DLGAP2: variants seen among roughly 807,000 people sequenced by gnomAD.
DLGAP2 encodes DLG associated protein 2, also known as disks large-associated protein 2.
A neutral mutation model predicts 100.3 loss-of-function variants in DLGAP2; 26 were observed. The observed-to-expected ratio is 0.26, with a 90% CI of 0.19 to 0.36. The LOEUF is 0.36. DLGAP2 is among the 10% of genes least tolerant of loss of function. The pLI is 1.00. For missense variants in DLGAP2, 1,858 were observed against 1,453.2 expected (o/e 1.28, Z -4.53); for synonymous variants, 886 against 630.1 (o/e 1.41, Z -6.08).
intron 2 of DLGAP2, among the ~76,000 whole-genome samples, chr8:1,233,375 G>A (rs1015957721): frequency 1.3e-5 from 2 of 152,200 alleles, no homozygotes; most frequent in African/African-American, 4.8e-5. Context: ...TTCAATAGCA[G>A]AAGACTCAGC....
chr8:1,005,353 C>A (rs905120710), intron 2 of DLGAP2, among the ~76,000 whole-genome samples: 35 of 151,626 alleles, frequency 2.3e-4, no homozygotes, highest in Non-Finnish European at 3.7e-4. Flanking sequence ...CAAGGCAGCC[C>A]GTCAAATAGT....
intron 2 of DLGAP2, among the ~76,000 whole-genome samples, chr8:1,107,310 C>T (rs960031487): frequency 6.6e-6 from 1 of 152,190 alleles, no homozygotes; most frequent in Non-Finnish European, 1.5e-5. Flanking sequence ...CATCACCACT[C>T]CAGGGCTGGG....
At chr8:1,068,542 C>A (rs907508865) in intron 2 of DLGAP2, among the ~76,000 whole-genome samples, 6 of 152,122 alleles carry the variant, frequency 3.9e-5, no homozygotes, top group African/African-American at 1.4e-4. Context: ...AAGGCTGTCC[C>A]GGTGGCTAGC....
At chr8:1,170,210 G>T (rs1328804208) in intron 2 of DLGAP2, among the ~76,000 whole-genome samples, 3 of 152,192 alleles carry the variant, frequency 2.0e-5, no homozygotes, top group Non-Finnish European at 4.4e-5. Context: ...TATTGAACCA[G>T]CCTTGCATCC....
intron 1 of DLGAP2, among the ~76,000 whole-genome samples, chr8:863,417 C>G (rs1172523994): frequency 6.6e-6 from 1 of 152,176 alleles, no homozygotes; most frequent in Non-Finnish European, 1.5e-5. Context: ...ATAATTTCTC[C>G]ATTCTCATTT....
At position 782,386 on chromosome 8, in the gene DLGAP2, A is replaced by G. The variant is rs576075936; in HGVS notation, c.18+44561A>G. Among the ~76,000 whole-genome samples, 8 of 152,232 alleles carry G rather than the reference A, an allele frequency of 5.3e-5. 1 individual carries two copies. The East Asian group carries it at 1.5e-3, about 29-fold the overall frequency. On this transcript the variant is annotated intron_variant, in intron 1 of 14. Coordinates refer to ENST00000637795, the MANE Select transcript of DLGAP2 (RefSeq NM_001346810.2). ...AGACTGTCTCTGGAATTGATGACATATTATATTAATACATACTCTCTCACT... is the reference window on the plus strand; with the variant it reads ...AGACTGTCTCTGGAATTGATGACATGTTATATTAATACATACTCTCTCACT...
chr8:1,502,351 T>C (rs1338044120), intron 4 of DLGAP2, among the ~76,000 whole-genome samples: 3 of 152,254 alleles, frequency 2.0e-5, no homozygotes, highest in Non-Finnish European at 2.9e-5. Flanking sequence ...ATTGCTGGTT[T>C]GATTTGCCTA....
intron 1 of DLGAP2, among the ~76,000 whole-genome samples, chr8:812,654 G>T (rs1796393731): frequency 6.6e-6 from 1 of 152,122 alleles, no homozygotes; most frequent in Admixed American, 6.5e-5. Context: ...TAATCAAATA[G>T]ATGAAATTAT....
intron 1 of DLGAP2, among the ~76,000 whole-genome samples, chr8:819,567 A>G (rs1338535635): frequency 6.6e-6 from 1 of 152,216 alleles, no homozygotes; most frequent in Admixed American, 6.5e-5. Context: ...AATGATAAAG[A>G]CTATACAAAA....
intron 3 of DLGAP2, among the ~76,000 whole-genome samples, chr8:1,411,022 A>T (rs1256656931): frequency 6.6e-6 from 1 of 152,132 alleles, no homozygotes; most frequent in African/African-American, 2.4e-5. Flanking sequence ...CTGTGGGTTT[A>T]TTTATTGAGT....
chr8:1,343,606 C>A (rs1448828783), intron 3 of DLGAP2, among the ~76,000 whole-genome samples: 1 of 152,194 alleles, frequency 6.6e-6, no homozygotes, highest in South Asian at 2.1e-4. Context: ...GAAATATTAA[C>A]CCTTTACTGC....
chr8:1,262,571 C>G (rs747989105), intron 3 of DLGAP2: 1 of 152,138 alleles, frequency 6.6e-6, no homozygotes, highest in Non-Finnish European at 1.5e-5. Flanking sequence ...AATAAATTTA[C>G]TCAGAACAAT....
chr8:1,548,627 C>A lies in DLGAP2; in HGVS notation c.174C>A (p.Asp58Glu), dbSNP rs769477449. ...AATGCCGTTTCTGTTTCCCCACAGA[C>A]CCGCAGTACTCATGGTCGCCCACGC... ...SFPGPAEEDL[D>E]PQYSWSPTQH... Residue 58 changes from aspartate (D) to glutamate (E), a missense_variant and splice_region_variant, in exon 5 of 15, where the codon GAC becomes GAA. Transcript: ENST00000637795. The A allele has an allele frequency of 2.6e-6, 4 of 1,523,830 alleles. No individual in the cohort carries two copies. Among genetic ancestry groups the A allele is most frequent in the Non-Finnish European group, 3.5e-6 (4 of 1,137,110 alleles). 94.4% of individuals were successfully genotyped at this position (1,523,830 alleles called of 1,614,324 possible). A position where few individuals can be genotyped will look rare whatever the true frequency, so the allele number is the denominator to read the frequency against.
At chr8:1,555,995 G>T (rs1264532308) in intron 5 of DLGAP2, among the ~76,000 whole-genome samples, 1 of 152,164 alleles carries the variant, frequency 6.6e-6, no homozygotes, top group Admixed American at 6.5e-5. Context: ...GGGTGCATGC[G>T]CTGTTTTATC....
chr8:1,296,640 G>A (rs1800183130), intron 3 of DLGAP2, among the ~76,000 whole-genome samples: 1 of 152,176 alleles, frequency 6.6e-6, no homozygotes, highest in Non-Finnish European at 1.5e-5. Flanking sequence ...AGTCTTACTG[G>A]ACGTGGAATT....
In DLGAP2 at chr8:1,042,764, A is replaced by G. The variant is rs1283613402; in HGVS notation, c.73+134798A>G. ...TGTGGGTCGTGGATGTAGGTGGTGG[A>G]TGTGGGTGATGGATGTGGGTGGTGG... On this transcript the variant is annotated intron_variant, in intron 2 of 14. Coordinates refer to ENST00000637795, the MANE Select transcript of DLGAP2 (RefSeq NM_001346810.2). Among the ~76,000 whole-genome samples, 31 of 69,950 alleles carry G rather than the reference A, an allele frequency of 4.4e-4. 1 individual carries two copies. The highest frequency in any genetic ancestry group is 0.011 in the Middle Eastern group (1 of 92). The allele number at this position is 69,950 out of a possible 152,430, so 45.9% of individuals were successfully genotyped here.
chr8:1,444,368 A>G (rs986101572), intron 3 of DLGAP2, among the ~76,000 whole-genome samples: 3 of 152,244 alleles, frequency 2.0e-5, no homozygotes, highest in African/African-American at 7.2e-5. Context: ...CAAATACTCA[A>G]ATTGCTACTG....
chr8:1,607,349 C>G (rs940249509), intron 6 of DLGAP2, among the ~76,000 whole-genome samples: 1 of 152,102 alleles, frequency 6.6e-6, no homozygotes, highest in Non-Finnish European at 1.5e-5. Flanking sequence ...CACCCATATC[C>G]TGGAGGACAA....
At chr8:1,266,757 A>G (rs993879400) in intron 3 of DLGAP2, among the ~76,000 whole-genome samples, 2 of 152,072 alleles carry the variant, frequency 1.3e-5, no homozygotes, top group South Asian at 2.1e-4. Context: ...GTGTGTGTAT[A>G]TGTGTTTGTG....
Sources: gnomAD v4.1 joint callset for allele counts (sites outside exome capture counted in the v4.1 genomes callset) on GRCh38, gnomAD v4.1.1 for gene constraint, MANE v1.5 for transcripts, NCBI Gene and HGNC (gene_info 2026-07-23, HGNC 2026-07-21) for gene names.